Variants in LRRC4C observed in about 807,000 individuals in gnomAD.
LRRC4C encodes leucine rich repeat containing 4C.
Under a neutral mutation model 33.6 loss-of-function variants are expected in LRRC4C, and 5 were observed. That is an observed-to-expected ratio of 0.15 (90% CI 0.08 to 0.31). LRRC4C has a LOEUF of 0.31. Ranked by LOEUF, LRRC4C falls within the 10% of genes least tolerant of loss-of-function variation. LRRC4C has a pLI of 1.00. For missense variants in LRRC4C, 560 were observed against 796.7 expected (o/e 0.70, Z 3.58); for synonymous variants, 329 against 302.0 (o/e 1.09, Z -0.93).
chr11:40,318,437 C>A (rs1362807335), intron 4 of LRRC4C, among the ~76,000 whole-genome samples: 1 of 152,126 alleles, frequency 6.6e-6, no homozygotes, highest in African/African-American at 2.4e-5. Flanking sequence ...AGGGTTCATT[C>A]ATTACAGAGG....
intron 1 of LRRC4C, among the ~76,000 whole-genome samples, chr11:40,948,168 GT>G (rs1253265948): frequency 1.3e-5 from 2 of 151,748 alleles, no homozygotes; most frequent in African/African-American, 4.8e-5. Flanking sequence ...AATCTGAGTT[GT>G]TTACTCTCCC....
intron 6 of LRRC4C, among the ~76,000 whole-genome samples, chr11:40,117,476 T>A (rs1855517261): frequency 6.6e-6 from 1 of 152,222 alleles, no homozygotes; most frequent in African/African-American, 2.4e-5. Flanking sequence ...CTATTATGTC[T>A]TGTGTCCCTA....
intron 1 of LRRC4C, among the ~76,000 whole-genome samples, chr11:40,951,936 A>G (rs536000881): frequency 2.0e-5 from 3 of 152,046 alleles, no homozygotes; most frequent in African/African-American, 7.2e-5. Flanking sequence ...CAATTTCTTC[A>G]TGCCTCAGTT....
chr11:40,352,432 G>T (rs1947455098), intron 3 of LRRC4C, among the ~76,000 whole-genome samples: 1 of 151,572 alleles, frequency 6.6e-6, no homozygotes. Flanking sequence ...ACTTTTGGTT[G>T]TTCCTATTTA....
intron 1 of LRRC4C, among the ~76,000 whole-genome samples, chr11:41,053,464 C>A (rs2138158753): frequency 6.6e-6 from 1 of 152,220 alleles, no homozygotes; most frequent in Non-Finnish European, 1.5e-5. Flanking sequence ...GGATAAAAAC[C>A]AAGACGTAAC....
At chr11:40,732,321 A>G (rs1947628560) in intron 2 of LRRC4C, among the ~76,000 whole-genome samples, 1 of 152,184 alleles carries the variant, frequency 6.6e-6, no homozygotes, top group Non-Finnish European at 1.5e-5. Context: ...CTCCCAAAAA[A>G]GTAAATATTG....
At chr11:41,418,572 G>A (rs978265056) in intron 1 of LRRC4C, among the ~76,000 whole-genome samples, 1 of 152,028 alleles carries the variant, frequency 6.6e-6, no homozygotes, top group Non-Finnish European at 1.5e-5. Flanking sequence ...CATGTTACAA[G>A]ATAGAGTAAA....
At position 41,427,651 on chromosome 11, in the gene LRRC4C, C is replaced by A. The variant is rs1051709723; in HGVS notation, c.-496+31780G>T. Among the ~76,000 whole-genome samples, 3 of 152,138 alleles carry A rather than the reference C, an allele frequency of 2.0e-5. No individual in the cohort carries two copies. In the South Asian group the frequency reaches 6.2e-4, roughly 31 times the overall value. On this transcript the variant is annotated intron_variant, in intron 1 of 6. Coordinates refer to ENST00000528697, the MANE Select transcript of LRRC4C (RefSeq NM_001258419.2). ...TAGGAAGCCAGGTGCTGTTTAAATA[C>A]ATGAGCTAAAAAGGAAAGTGTCCGG...
intron 1 of LRRC4C, among the ~76,000 whole-genome samples, chr11:40,945,245 C>A (rs945771981): frequency 7.1e-6 from 1 of 140,632 alleles, no homozygotes; most frequent in African/African-American, 2.6e-5. Flanking sequence ...TGGTCTCGAT[C>A]TCCTGACCTC....
intron 1 of LRRC4C, among the ~76,000 whole-genome samples, chr11:41,269,357 T>C (rs1435271880): frequency 1.3e-5 from 2 of 152,020 alleles, no homozygotes; most frequent in African/African-American, 2.4e-5. Flanking sequence ...CTAAATTGCC[T>C]TGCCCACAGC....
intron 3 of LRRC4C, among the ~76,000 whole-genome samples, chr11:40,400,846 G>A (rs536344295): frequency 2.8e-4 from 42 of 152,196 alleles, no homozygotes; most frequent in African/African-American, 8.4e-4. Flanking sequence ...TGGATTAGGA[G>A]CATCACTATC....
chr11:41,392,146 A>G (rs1459557669), intron 1 of LRRC4C, among the ~76,000 whole-genome samples: 3 of 151,914 alleles, frequency 2.0e-5, no homozygotes, highest in African/African-American at 7.2e-5. Context: ...TTTGCTGTGG[A>G]ATTCATGATA....
chr11:41,195,212 T>G (rs530798746), intron 1 of LRRC4C, among the ~76,000 whole-genome samples: 1 of 152,136 alleles, frequency 6.6e-6, no homozygotes. Context: ...ACACTGTGTG[T>G]GCATGCCCTT....
At chr11:40,667,133 T>G (rs1216249106) in intron 2 of LRRC4C, among the ~76,000 whole-genome samples, 1 of 152,192 alleles carries the variant, frequency 6.6e-6, no homozygotes, top group African/African-American at 2.4e-5. Flanking sequence ...TTCTATATGT[T>G]AGGGCTAAAG....
At chr11:40,928,278 C>A (rs1351102463) in intron 2 of LRRC4C, among the ~76,000 whole-genome samples, 1 of 150,162 alleles carries the variant, frequency 6.7e-6, no homozygotes, top group Admixed American at 6.6e-5. Flanking sequence ...ATATATATTT[C>A]TAAAATAAAT....
rs1393440664 is a variant in LRRC4C at position 40,887,438 on chromosome 11, T to A, written c.-407+46197A>T. 3.9e-5 allele frequency among the ~76,000 whole-genome samples: 6 copies of A among 152,126 alleles called. No homozygotes were observed. The East Asian group carries it at 1.2e-3, about 29-fold the overall frequency. On this transcript the variant is annotated intron_variant, in intron 2 of 6. Coordinates refer to ENST00000528697, the MANE Select transcript of LRRC4C (RefSeq NM_001258419.2). ...TCTATAAAATATTTTTGCTGAGCTGTTGAACCTGAATATTATCAAGTCATT... is the reference window on the plus strand; with the variant it reads ...TCTATAAAATATTTTTGCTGAGCTGATGAACCTGAATATTATCAAGTCATT...
At chr11:41,190,864 C>T (rs946462128) in intron 1 of LRRC4C, among the ~76,000 whole-genome samples, 8 of 152,176 alleles carry the variant, frequency 5.3e-5, no homozygotes, top group Admixed American at 5.2e-4. Flanking sequence ...AGCTCACTGT[C>T]ACTCGTTCGG....
intron 2 of LRRC4C, among the ~76,000 whole-genome samples, chr11:40,892,981 C>T (rs1410544593): frequency 2.6e-5 from 4 of 152,012 alleles, no homozygotes; most frequent in Non-Finnish European, 5.9e-5. Context: ...ATCACCCAAT[C>T]CAAGGTCACA....
chr11:40,536,605 C>A (rs1212592022), intron 3 of LRRC4C, among the ~76,000 whole-genome samples: 1 of 152,174 alleles, frequency 6.6e-6, no homozygotes, highest in Non-Finnish European at 1.5e-5. Context: ...ACTCAACTGG[C>A]CGCATGGCTT....
Sources: gnomAD v4.1 joint callset for allele counts (sites outside exome capture counted in the v4.1 genomes callset) on GRCh38, gnomAD v4.1.1 for gene constraint, MANE v1.5 for transcripts, NCBI Gene and HGNC (gene_info 2026-07-23, HGNC 2026-07-21) for gene names.